The following CDA variants were observed in gnomAD, a reference collection of about 807,000 sequenced individuals.
The protein encoded by CDA is cytidine aminohydrolase.
Under a neutral mutation model 15.0 loss-of-function variants are expected in CDA, and 7 were observed. The ratio of observed to expected loss-of-function variants is 0.47; its 90% CI spans 0.26 to 0.87. CDA has a LOEUF of 0.87. CDA is among the 40% of genes least tolerant of loss of function. The pLI is 0.15. For synonymous variants in CDA, 58 were observed against 73.0 expected (o/e 0.79, Z 1.05); for missense variants, 159 against 182.7 (o/e 0.87, Z 0.75).
chr1:20,609,702 T>C (rs2052729079), intron 2 of CDA, among the ~76,000 whole-genome samples: 2 of 152,176 alleles, frequency 1.3e-5, no homozygotes, highest in Admixed American at 1.3e-4. Context: ...TCCTTTCCCA[T>C]GCCTGCCTGA....
intron 1 of CDA, among the ~76,000 whole-genome samples, chr1:20,599,668 A>AAAATAAAATAAAATAAAAT (rs1470195944): frequency 3.3e-5 from 5 of 150,736 alleles, no homozygotes; most frequent in African/African-American, 7.3e-5. Flanking sequence ...AAAATAAAAT[A>AAAATAAAATAAAATAAAAT]AAAATAAAGG....
chr1:20,597,834 T>A (rs1404824833), intron 1 of CDA, among the ~76,000 whole-genome samples: 2 of 151,896 alleles, frequency 1.3e-5, no homozygotes. Flanking sequence ...AAAACAAAAT[T>A]GCACAGCATT....
intron 1 of CDA, among the ~76,000 whole-genome samples, chr1:20,603,549 C>T (rs1051288905): frequency 6.6e-6 from 1 of 152,184 alleles, no homozygotes; most frequent in Admixed American, 6.5e-5. Context: ...CACCTTGGGC[C>T]ACATCCCATT....
Position 20,589,268 on chromosome 1 carries a change from G to A in CDA, c.139G>A (p.Gly47Arg), listed in dbSNP as rs2101171101. ...GGGGGCTGCCCTGCTCACCCAGGAG[G>A]GGAGAATCTTCAAAGGTAAAGGTGG... ...PVGAALLTQE[G>R]RIFKGCNIEN... Residue 47 changes from glycine to arginine, a missense_variant, in exon 1 of 4, where the codon GGG becomes AGG. Gly to Arg is a moderately radical substitution (Grantham distance 125). Coordinates refer to ENST00000375071, the MANE Select transcript of CDA (RefSeq NM_001785.3). 1 of 1,614,038 alleles carries A rather than the reference G, an allele frequency of 6.2e-7. No individual in the cohort carries two copies. Among genetic ancestry groups the A allele is most frequent in the Non-Finnish European group, 8.5e-7 (1 of 1,180,010 alleles).
chr1:20,589,402 T>C (rs879648301), intron 1 of CDA, 119 bp downstream of exon 1: 6 of 965,978 alleles, frequency 6.2e-6, no homozygotes, highest in Non-Finnish European at 9.5e-6. Flanking sequence ...CTGTCCCTTC[T>C]TCCCCCAGTC....
In CDA at chr1:20,613,850, A is replaced by G; in HGVS notation, c.275A>G (p.Gln92Arg). 1.2e-6 allele frequency: 2 copies of G among 1,614,040 alleles called. No homozygotes were observed. Among genetic ancestry groups the G allele is most frequent in the East Asian group, 2.2e-5 (1 of 44,890 alleles). The change falls in exon 3 of 4, where the codon CAA becomes CGA. Residue 92 changes from glutamine (Q) to arginine (R), a missense_variant. By Grantham distance (43) the Gln-to-Arg change is conservative. Coordinates refer to ENST00000375071, the MANE Select transcript of CDA (RefSeq NM_001785.3). ...ATTCTTTGCTTCCCCAGTGACATGCAAGATGATTTTATCTCTCCATGTGGG... is the reference window on the plus strand; with the variant it reads ...ATTCTTTGCTTCCCCAGTGACATGCGAGATGATTTTATCTCTCCATGTGGG... Reference protein sequence around the residue: ...FRAIAIASDMQDDFISPCGAC... With the variant: ...FRAIAIASDMRDDFISPCGAC...
chr1:20,612,604 ACT>A (rs921222053), intron 2 of CDA, among the ~76,000 whole-genome samples: 4 of 151,664 alleles, frequency 2.6e-5, no homozygotes, highest in African/African-American at 9.7e-5. Context: ...CCCTTTGCTG[ACT>A]CTCTTTGCAG....
intron 1 of CDA, among the ~76,000 whole-genome samples, chr1:20,601,887 G>A (rs1436364342): frequency 6.6e-6 from 1 of 152,136 alleles, no homozygotes; most frequent in African/African-American, 2.4e-5. Flanking sequence ...CCAGCACCTT[G>A]AGAGGCCAAG....
intron 2 of CDA, among the ~76,000 whole-genome samples, chr1:20,609,592 C>A (rs1344886723): frequency 6.6e-6 from 1 of 152,240 alleles, no homozygotes; most frequent in Non-Finnish European, 1.5e-5. Context: ...GAGCAACTCT[C>A]CCATGGCCCT....
rs377459586 is a variant in CDA, at chr1:20,604,955, C to T, written c.182C>T (p.Pro61Leu). The T allele has an allele frequency of 1.4e-4, 229 of 1,613,418 alleles. 3 individuals are homozygous for T. In the South Asian group the frequency reaches 2.3e-3, roughly 16 times the overall value. Residue 61 changes from proline (P) to leucine (L), a missense_variant, in exon 2 of 4, where the codon CCG (proline) becomes CTG (leucine). Physicochemically the swap from Pro to Leu is moderately conservative, Grantham distance 98 (BLOSUM62 -3). Coordinates refer to ENST00000375071, the MANE Select transcript of CDA (RefSeq NM_001785.3). Reference protein sequence around the residue: ...KGCNIENACYPLGICAERTAI... With the variant: ...KGCNIENACYLLGICAERTAI... ...TGCAACATAGAAAATGCCTGCTACC[C>T]GCTGGGCATCTGTGCTGAACGGACC... is the stretch of plus-strand genomic sequence containing the variant.
At chr1:20,593,071 C>T (rs542676230) in intron 1 of CDA, among the ~76,000 whole-genome samples, 4 of 151,928 alleles carry the variant, frequency 2.6e-5, no homozygotes, top group East Asian at 1.9e-4. Flanking sequence ...ATCAGCTGGG[C>T]GACAGAATGA....
At chr1:20,595,799 C>T (rs536427034) in intron 1 of CDA, among the ~76,000 whole-genome samples, 1 of 147,414 alleles carries the variant, frequency 6.8e-6, no homozygotes, top group African/African-American at 2.5e-5. Flanking sequence ...GTGAGCACGC[C>T]ACTGCACTCC....
chr1:20,604,983 T>C lies in CDA; in HGVS notation c.210T>C (p.Ala70=), dbSNP rs76249360. Residue 70 remains alanine (A), a synonymous_variant, in exon 2 of 4, where the codon GCT becomes GCC. Transcript: ENST00000375071. ...YPLGICAERT[A]IQKAVSEGYK... ...TGGGCATCTGTGCTGAACGGACCGC[T>C]ATCCAGAAGGCCGTCTCAGAAGGGT... 1.1e-3 allele frequency: 1,763 copies of C among 1,614,078 alleles called. 25 individuals are homozygous for C. Among genetic ancestry groups the C allele is most frequent in the East Asian group, 4.9e-3 (220 of 44,878 alleles).
At chr1:20,597,170 C>T (rs376997386) in intron 1 of CDA, among the ~76,000 whole-genome samples, 10 of 152,244 alleles carry the variant, frequency 6.6e-5, no homozygotes, top group Admixed American at 1.3e-4. Context: ...AGAGTCTGGC[C>T]GGGCGCCGTG....
At chr1:20,609,687 G>A (rs1322017998) in intron 2 of CDA, among the ~76,000 whole-genome samples, 1 of 152,180 alleles carries the variant, frequency 6.6e-6, no homozygotes, top group Non-Finnish European at 1.5e-5. Context: ...ATTGGTCTTT[G>A]TTGCTCCTTT....
intron 3 of CDA, among the ~76,000 whole-genome samples, chr1:20,617,361 G>A (rs541453375): frequency 1.8e-4 from 27 of 152,258 alleles, no homozygotes; most frequent in South Asian, 2.1e-4. Context: ...ATGAAACCAC[G>A]CATGTGCAGT....
intron 1 of CDA, among the ~76,000 whole-genome samples, chr1:20,593,804 A>C (rs7535200): frequency 5.3e-5 from 8 of 152,142 alleles, no homozygotes; most frequent in Non-Finnish European, 1.2e-4. Flanking sequence ...CGAACTCCTG[A>C]CCTCAAATGA....
intron 1 of CDA, among the ~76,000 whole-genome samples, chr1:20,589,686 C>A (rs1485860009): frequency 6.6e-6 from 1 of 152,178 alleles, no homozygotes; most frequent in African/African-American, 2.4e-5. Flanking sequence ...TGTTAATGCT[C>A]GTCTTTAGAT....
At position 20,604,950 on chromosome 1, in the gene CDA, C is replaced by T. The variant is rs1459777911; in HGVS notation, c.177C>T (p.Cys59=). ...IFKGCNIENA[C]YPLGICAERT... ...CAGGGTGCAACATAGAAAATGCCTG[C>T]TACCCGCTGGGCATCTGTGCTGAAC... is the stretch of plus-strand genomic sequence containing the variant. The change falls in exon 2 of 4, where the codon TGC becomes TGT. Residue 59 remains cysteine (C), a synonymous_variant. Coordinates refer to ENST00000375071, the MANE Select transcript of CDA (RefSeq NM_001785.3). The T allele has an allele frequency of 1.2e-6, 2 of 1,613,122 alleles. No homozygotes were observed. The highest frequency in any genetic ancestry group is 2.2e-5 in the East Asian group (1 of 44,870).
Sources: gnomAD v4.1 joint callset for allele counts (sites outside exome capture counted in the v4.1 genomes callset) on GRCh38, gnomAD v4.1.1 for gene constraint, MANE v1.5 for transcripts, NCBI Gene and HGNC (gene_info 2026-07-23, HGNC 2026-07-21) for gene names.